The following KLF8 variants were observed in gnomAD, a reference collection of about 807,000 sequenced individuals.
The protein encoded by KLF8 is Krueppel-like factor 8.
KLF8 carries 10 observed loss-of-function variants against 18.2 expected under a neutral mutation model. That is an observed-to-expected ratio of 0.55 (90% CI 0.34 to 0.93). The LOEUF is 0.93. Ranked by LOEUF, KLF8 falls within the 40% of genes least tolerant of loss-of-function variation. KLF8 has a pLI of 0.02. For synonymous variants in KLF8, 109 were observed against 97.3 expected (o/e 1.12, Z -0.71); for missense variants, 264 against 277.9 (o/e 0.95, Z 0.36).
the KLF8 span, among the ~76,000 whole-genome samples, chrX:55,936,846 C>T: frequency 3.5e-5 from 2 of 57,921 alleles, no homozygotes; most frequent in Non-Finnish European, 6.8e-5. Context: ...CCCGCCATTG[C>T]CGAGGCTTGA....
intron 2 of KLF8, among the ~76,000 whole-genome samples, chrX:56,264,947 T>C (rs138318337): frequency 0.021 from 2,385 of 112,082 alleles, 31 homozygotes; most frequent in Non-Finnish European, 0.032. Flanking sequence ...GCAAGATTAT[T>C]GTGAACGTTA....
chrX:56,186,300 G>A, the KLF8 span, among the ~76,000 whole-genome samples: 1 of 111,559 alleles, frequency 9.0e-6, no homozygotes, highest in Non-Finnish European at 1.9e-5. Context: ...TAATGGTAAA[G>A]GGATCAATTC....
At chrX:56,217,349 T>G in the KLF8 span, among the ~76,000 whole-genome samples, 1 of 111,781 alleles carries the variant, frequency 8.9e-6, no homozygotes, top group Non-Finnish European at 1.9e-5. Flanking sequence ...AGGTTCCATC[T>G]AATTGGATTT....
the KLF8 span, among the ~76,000 whole-genome samples, chrX:56,119,715 T>TA: frequency 2.6e-4 from 28 of 109,576 alleles, no homozygotes; most frequent in African/African-American, 9.0e-4. Flanking sequence ...TTAGTGATTT[T>TA]AAAAAAACTT....
the KLF8 span, among the ~76,000 whole-genome samples, chrX:55,995,606 C>T: frequency 1.8e-5 from 2 of 111,998 alleles, no homozygotes; most frequent in African/African-American, 6.5e-5. Flanking sequence ...ATTTGCTTTT[C>T]TGAATGGAAT....
chrX:56,157,988 G>A, the KLF8 span, among the ~76,000 whole-genome samples: 1 of 111,965 alleles, frequency 8.9e-6, no homozygotes, highest in East Asian at 2.8e-4. Flanking sequence ...GAATGGTATT[G>A]CCTAGGTTTC....
the KLF8 span, among the ~76,000 whole-genome samples, chrX:56,185,552 A>G: frequency 9.0e-6 from 1 of 111,465 alleles, no homozygotes; most frequent in Non-Finnish European, 1.9e-5. Flanking sequence ...CGAGAAGAGC[A>G]ACTCCAAGAC....
intron 5 of KLF8, among the ~76,000 whole-genome samples, chrX:56,281,483 C>T (rs1328774118): frequency 3.6e-5 from 4 of 111,956 alleles, no homozygotes; most frequent in Non-Finnish European, 7.5e-5. Context: ...GATCTCAGCT[C>T]ACTGCAACCT....
At chrX:56,264,266 A>AAAAAAGTATTAGTTTTTTATT in intron 2 of KLF8, among the ~76,000 whole-genome samples, 2 of 110,977 alleles carry the variant, frequency 1.8e-5, no homozygotes, top group Non-Finnish European at 3.8e-5. Context: ...TAGTTTTTTA[A>AAAAAAGTATTAGTTTTTTATT]AAAAAGTATT....
chrX:56,197,915 G>A, the KLF8 span, among the ~76,000 whole-genome samples: 1 of 111,981 alleles, frequency 8.9e-6, no homozygotes, highest in Non-Finnish European at 1.9e-5. Flanking sequence ...TCCTCCCTGG[G>A]ATGCAAGGCT....
At chrX:56,140,930 G>A in the KLF8 span, among the ~76,000 whole-genome samples, 1 of 110,579 alleles carries the variant, frequency 9.0e-6, no homozygotes, top group Non-Finnish European at 1.9e-5. Context: ...GACAATCTAA[G>A]TGGCTAAAAA....
chrX:56,060,260 AC>A, the KLF8 span, among the ~76,000 whole-genome samples: 270 of 111,915 alleles, frequency 2.4e-3, 1 homozygote, highest in African/African-American at 8.5e-3. Context: ...CTTGTCTTGT[AC>A]CAGTTTTCAA....
the KLF8 span, among the ~76,000 whole-genome samples, chrX:56,222,696 C>T: frequency 2.7e-5 from 3 of 112,883 alleles, no homozygotes; most frequent in African/African-American, 9.6e-5. Flanking sequence ...AGGAGCCCAC[C>T]GTGGGGGCAG....
At chrX:56,022,071 T>A in the KLF8 span, among the ~76,000 whole-genome samples, 26 of 111,062 alleles carry the variant, frequency 2.3e-4, no homozygotes, top group African/African-American at 8.5e-4. Context: ...ACATAAAATA[T>A]CTGAATTTAA....
chrX:55,954,419 T>C, the KLF8 span, among the ~76,000 whole-genome samples: 2 of 111,694 alleles, frequency 1.8e-5, no homozygotes, highest in Non-Finnish European at 3.8e-5. Context: ...AAGAAGATAT[T>C]CAAATGACCA....
chrX:56,229,853 G>A (rs1422086480), upstream of KLF8, among the ~76,000 whole-genome samples: 2 of 111,955 alleles, frequency 1.8e-5, no homozygotes, highest in Middle Eastern at 4.6e-3. Flanking sequence ...AAGCACAGGT[G>A]CTCAATACAT....
At chrX:56,216,961 G>C in the KLF8 span, among the ~76,000 whole-genome samples, 1 of 111,197 alleles carries the variant, frequency 9.0e-6, no homozygotes. Flanking sequence ...GATCTCCCCT[G>C]CTAGCTCACA....
chrX:56,162,498 C>T, the KLF8 span, among the ~76,000 whole-genome samples: 1 of 111,803 alleles, frequency 8.9e-6, no homozygotes, highest in Non-Finnish European at 1.9e-5. Flanking sequence ...CTCTCTGCCA[C>T]CTTGCAGTTT....
chrX:56,084,410 A>G, the KLF8 span, among the ~76,000 whole-genome samples: 1 of 111,349 alleles, frequency 9.0e-6, no homozygotes, highest in South Asian at 3.8e-4. Context: ...AACAAACAAA[A>G]AAAGAAATTC....
Sources: gnomAD v4.1 joint callset for allele counts (sites outside exome capture counted in the v4.1 genomes callset) on GRCh38, gnomAD v4.1.1 for gene constraint, MANE v1.5 for transcripts, NCBI Gene and HGNC (gene_info 2026-07-23, HGNC 2026-07-21) for gene names.